Variants in GFRA2 observed in about 807,000 individuals in gnomAD.
The protein encoded by GFRA2 is GDNF family receptor alpha 2.
Under a neutral mutation model 48.3 loss-of-function variants are expected in GFRA2, and 17 were observed. That is an observed-to-expected ratio of 0.35 (90% confidence interval 0.24 to 0.53). GFRA2 has a LOEUF of 0.53. Ranked by LOEUF, GFRA2 falls within the 20% of genes least tolerant of loss-of-function variation. The probability of loss-of-function intolerance (pLI) is 0.93; values close to 1 mark genes in which losing one functional copy is unlikely to be tolerated. For missense variants in GFRA2, 660 were observed against 637.3 expected (o/e 1.04, Z -0.38); for synonymous variants, 305 against 257.2 (o/e 1.19, Z -1.78).
At position 21,705,823 on chromosome 8, in the gene GFRA2, G is replaced by A. The variant is rs531112535; in HGVS notation, c.904+109C>T. The A allele has an allele frequency of 1.1e-4, 76 of 683,620 alleles. 1 individual carries two copies. Among genetic ancestry groups the A allele is most frequent in the Non-Finnish European group, 1.6e-4 (63 of 398,732 alleles). The allele number at this position is 683,620 out of a possible 1,614,324, so 42.3% of individuals were successfully genotyped here. A position where few individuals can be genotyped will look rare whatever the true frequency, so the allele number is the denominator to read the frequency against. ...CTCTGAATCTGATGCAGAGAAGGCC[G>A]GGCTCAGGCTGTCTCCCCCAGCTGG... On this transcript the variant is annotated intron_variant, in intron 5 of 8. Coordinates refer to ENST00000524240, the MANE Select transcript of GFRA2 (RefSeq NM_001495.5).
At chr8:21,696,752 A>G (rs1249134156) in intron 7 of GFRA2, among the ~76,000 whole-genome samples, 1 of 152,158 alleles carries the variant, frequency 6.6e-6, no homozygotes. Flanking sequence ...TAAATAGGAT[A>G]GAGTGGAGGG....
intron 4 of GFRA2, among the ~76,000 whole-genome samples, chr8:21,707,464 C>G (rs1366095400): frequency 6.6e-6 from 1 of 152,196 alleles, no homozygotes; most frequent in African/African-American, 2.4e-5. Flanking sequence ...CCCCACCATG[C>G]AGACACGGGC....
At chr8:21,748,693 T>C (rs1443658772) in intron 4 of GFRA2, among the ~76,000 whole-genome samples, 1 of 152,170 alleles carries the variant, frequency 6.6e-6, no homozygotes, top group Non-Finnish European at 1.5e-5. Flanking sequence ...AAAGATAATA[T>C]CACCTACCTC....
intron 4 of GFRA2, among the ~76,000 whole-genome samples, chr8:21,713,011 G>A (rs1015275607): frequency 6.6e-6 from 1 of 150,916 alleles, no homozygotes; most frequent in Non-Finnish European, 1.5e-5. Flanking sequence ...GAGGGAGAGG[G>A]AGACGAGGGA....
chr8:21,762,241 C>A (rs1467529188), intron 3 of GFRA2, among the ~76,000 whole-genome samples: 2 of 152,250 alleles, frequency 1.3e-5, no homozygotes, highest in East Asian at 3.9e-4. Flanking sequence ...GAACACCATA[C>A]CATCTAGCTG....
In GFRA2 at chr8:21,749,393, G is replaced by A. The variant is rs370259954; in HGVS notation, c.794+1195C>T. On this transcript the variant is annotated intron_variant, in intron 4 of 8. Coordinates refer to ENST00000524240, the MANE Select transcript of GFRA2 (RefSeq NM_001495.5). Reference sequence around the variant, plus strand: ...GGGTATTTTTACTCCTATTTTATAGGTGAAGGGACGGAAGGTCAGGAAAAT... The same window carrying A: ...GGGTATTTTTACTCCTATTTTATAGATGAAGGGACGGAAGGTCAGGAAAAT... 1.5e-4 allele frequency among the ~76,000 whole-genome samples: 23 copies of A among 152,122 alleles called. 1 individual carries two copies. The highest frequency in any genetic ancestry group is 1.0e-3 in the South Asian group (5 of 4,812).
intron 2 of GFRA2, among the ~76,000 whole-genome samples, chr8:21,804,462 A>G (rs2117117657): frequency 6.6e-6 from 1 of 152,012 alleles, no homozygotes; most frequent in Non-Finnish European, 1.5e-5. Context: ...CTGGTGCATT[A>G]GATATGCCCT....
At chr8:21,703,288 G>A (rs537909790) in intron 6 of GFRA2, among the ~76,000 whole-genome samples, 2 of 152,212 alleles carry the variant, frequency 1.3e-5, no homozygotes, top group African/African-American at 4.8e-5. Flanking sequence ...GGGAGCCTAG[G>A]GGAGGAGGGG....
chr8:21,703,747 T>C (rs1326323517), intron 6 of GFRA2, among the ~76,000 whole-genome samples: 3 of 151,984 alleles, frequency 2.0e-5, no homozygotes, highest in Non-Finnish European at 4.4e-5. Flanking sequence ...CTCCTAAAGA[T>C]CCCTCCACCC....
chr8:21,718,616 T>C (rs548154190), intron 4 of GFRA2, among the ~76,000 whole-genome samples: 32 of 152,296 alleles, frequency 2.1e-4, no homozygotes, highest in African/African-American at 7.2e-4. Flanking sequence ...GCAGGAGCTA[T>C]GTCCCTTCAA....
At chr8:21,780,505 C>G (rs1034412376) in intron 2 of GFRA2, among the ~76,000 whole-genome samples, 2 of 152,266 alleles carry the variant, frequency 1.3e-5, no homozygotes, top group African/African-American at 2.4e-5. Flanking sequence ...CCTCCTCTCA[C>G]TGCGGTCATG....
chr8:21,801,004 A>C (rs1432801616), intron 2 of GFRA2, among the ~76,000 whole-genome samples: 1 of 151,980 alleles, frequency 6.6e-6, no homozygotes, highest in Non-Finnish European at 1.5e-5. Flanking sequence ...CACTTCCCTA[A>C]GGAGAACAGG....
intron 7 of GFRA2, 124 bp downstream of exon 7, chr8:21,702,681 C>T (rs1802539530): frequency 3.2e-6 from 3 of 938,292 alleles, no homozygotes; most frequent in Admixed American, 6.6e-5. Flanking sequence ...CCGGCAGCTC[C>T]TCCCTGCCTC....
intron 3 of GFRA2, among the ~76,000 whole-genome samples, chr8:21,766,068 A>G (rs868100760): frequency 6.6e-6 from 1 of 152,042 alleles, no homozygotes; most frequent in Non-Finnish European, 1.5e-5. Flanking sequence ...AACCGCCTCA[A>G]TGCCTCCAGT....
chr8:21,694,092 T>TATATATA (rs1221616880), intron 8 of GFRA2, among the ~76,000 whole-genome samples: 10 of 138,520 alleles, frequency 7.2e-5, no homozygotes, highest in Non-Finnish European at 1.4e-4. Context: ...TATATATATA[T>TATATATA]TTCCTATAGT....
At chr8:21,804,496 G>A (rs1421656220) in intron 2 of GFRA2, among the ~76,000 whole-genome samples, 1 of 151,668 alleles carries the variant, frequency 6.6e-6, no homozygotes, top group East Asian at 1.9e-4. Flanking sequence ...AGTTCTGAAG[G>A]GAGGTCACAA....
intron 2 of GFRA2, among the ~76,000 whole-genome samples, chr8:21,802,094 A>G (rs940621622): frequency 6.6e-6 from 1 of 152,228 alleles, no homozygotes; most frequent in Non-Finnish European, 1.5e-5. Flanking sequence ...TGCAAAAGGA[A>G]CCAGAATGTC....
chr8:21,721,052 G>C (rs1022366511), intron 4 of GFRA2, among the ~76,000 whole-genome samples: 1 of 151,786 alleles, frequency 6.6e-6, no homozygotes, highest in Non-Finnish European at 1.5e-5. Context: ...GGAAGGGAAG[G>C]GACTGATTGA....
intron 3 of GFRA2, among the ~76,000 whole-genome samples, chr8:21,760,416 A>C (rs1457718385): frequency 6.6e-6 from 1 of 152,204 alleles, no homozygotes; most frequent in Non-Finnish European, 1.5e-5. Flanking sequence ...TATAATTTAG[A>C]GATAAAGCCA....
Sources: allele counts gnomAD v4.1 joint callset (sites outside exome capture counted in the v4.1 genomes callset), GRCh38; gene constraint gnomAD v4.1.1; transcripts MANE v1.5; gene names NCBI Gene and HGNC (gene_info 2026-07-23, HGNC 2026-07-21).